Variants in AP3S1 observed in about 807,000 individuals in gnomAD.
AP3S1 encodes the protein AP-3 complex subunit sigma-1.
A neutral mutation model predicts 21.3 loss-of-function variants in AP3S1; 12 were observed. The ratio of observed to expected loss-of-function variants is 0.56; its 90% CI spans 0.36 to 0.91. The LOEUF is 0.91. Ranked by LOEUF, AP3S1 falls within the 40% of genes least tolerant of loss-of-function variation. The probability of loss-of-function intolerance (pLI) is 0.01; values close to 1 mark genes in which losing one functional copy is unlikely to be tolerated. For synonymous variants in AP3S1, 48 were observed against 78.4 expected (o/e 0.61, Z 2.05); for missense variants, 116 against 225.0 (o/e 0.52, Z 3.10).
At position 115,845,327 on chromosome 5, in the gene AP3S1, T is replaced by A. The variant is rs1403439513; in HGVS notation, c.69+3221T>A. Among the ~76,000 whole-genome samples, 6 of 152,324 alleles carry A rather than the reference T, an allele frequency of 3.9e-5. No homozygotes were observed. In the South Asian group the frequency reaches 1.0e-3, roughly 26 times the overall value. On this transcript the variant is annotated intron_variant, in intron 1 of 5. Transcript: ENST00000316788. ...CCATTTGCCAACAAGTTTATCCTAC[T>A]GCACTTCATTTTCATTCCTCATTTA...
chr5:115,895,267 C>G, intron 4 of AP3S1, 109 bp downstream of exon 4: 1 of 730,444 alleles, frequency 1.4e-6, no homozygotes, highest in Non-Finnish European at 2.1e-6. Flanking sequence ...TTTTATTATT[C>G]AATTCATAAT....
At chr5:115,900,987 C>G (rs1250737810) in intron 4 of AP3S1, among the ~76,000 whole-genome samples, 2 of 152,092 alleles carry the variant, frequency 1.3e-5, no homozygotes, top group Non-Finnish European at 2.9e-5. Context: ...AAATATGTGT[C>G]TAATAATTAA....
chr5:115,908,299 A>G (rs1751823522), intron 5 of AP3S1, among the ~76,000 whole-genome samples: 1 of 152,154 alleles, frequency 6.6e-6, no homozygotes, highest in South Asian at 2.1e-4. Context: ...TCCAGCAAAG[A>G]ACCATTAATC....
intron 3 of AP3S1, among the ~76,000 whole-genome samples, chr5:115,883,579 G>A (rs1749499982): frequency 6.6e-6 from 1 of 152,196 alleles, no homozygotes; most frequent in Non-Finnish European, 1.5e-5. Context: ...TACCTCGGTT[G>A]GAAATGCAGA....
chr5:115,881,455 T>C (rs1047643865), intron 3 of AP3S1, among the ~76,000 whole-genome samples: 4 of 152,218 alleles, frequency 2.6e-5, no homozygotes, highest in Non-Finnish European at 5.9e-5. Context: ...CCTTCACTTA[T>C]GAAGCTTAGC....
chr5:115,861,596 C>T (rs903265900), intron 1 of AP3S1, among the ~76,000 whole-genome samples: 3 of 152,018 alleles, frequency 2.0e-5, no homozygotes, highest in Admixed American at 1.3e-4. Flanking sequence ...GCTCTGTCAT[C>T]CAGACTGGAT....
At chr5:115,883,362 C>T (rs764233927) in intron 3 of AP3S1, among the ~76,000 whole-genome samples, 38 of 152,290 alleles carry the variant, frequency 2.5e-4, no homozygotes, top group East Asian at 7.7e-4. Flanking sequence ...TCCTGGTCTG[C>T]GGGTTGCAAA....
intron 5 of AP3S1, among the ~76,000 whole-genome samples, chr5:115,908,414 G>C (rs922174355): frequency 6.6e-6 from 1 of 152,030 alleles, no homozygotes; most frequent in Non-Finnish European, 1.5e-5. Context: ...TGGCTCTAAG[G>C]TACTGATGGT....
At chr5:115,863,617 T>C (rs956715152) in intron 1 of AP3S1, among the ~76,000 whole-genome samples, 1 of 152,106 alleles carries the variant, frequency 6.6e-6, no homozygotes, top group African/African-American at 2.4e-5. Flanking sequence ...TAGCTATAGC[T>C]ATGCCAGTGT....
At chr5:115,877,865 G>C (rs1256987377) in intron 3 of AP3S1, among the ~76,000 whole-genome samples, 2 of 152,126 alleles carry the variant, frequency 1.3e-5, no homozygotes, top group Admixed American at 1.3e-4. Flanking sequence ...AGCATCTGTT[G>C]TTTCCTGACT....
At chr5:115,875,807 C>T (rs1218452007) in intron 3 of AP3S1, among the ~76,000 whole-genome samples, 1 of 152,078 alleles carries the variant, frequency 6.6e-6, no homozygotes. Context: ...TTTGGGCAAC[C>T]CCCAGTTTTT....
chr5:115,859,131 T>C (rs1235504195), intron 1 of AP3S1, among the ~76,000 whole-genome samples: 2 of 152,146 alleles, frequency 1.3e-5, no homozygotes, highest in Non-Finnish European at 2.9e-5. Flanking sequence ...TTGGAAGCTC[T>C]CAATCCATGA....
intron 1 of AP3S1, among the ~76,000 whole-genome samples, chr5:115,853,517 C>T (rs1762592114): frequency 6.6e-6 from 1 of 151,950 alleles, no homozygotes; most frequent in South Asian, 2.1e-4. Flanking sequence ...CTTTTGGTAT[C>T]CTATCTAAAA....
intron 4 of AP3S1, among the ~76,000 whole-genome samples, chr5:115,899,270 A>G (rs1302357504): frequency 1.3e-5 from 2 of 152,152 alleles, no homozygotes; most frequent in African/African-American, 4.8e-5. Context: ...TACTTTCACC[A>G]AATAAAGGAG....
intron 1 of AP3S1, among the ~76,000 whole-genome samples, chr5:115,861,460 G>A (rs1380284672): frequency 1.3e-5 from 2 of 152,034 alleles, no homozygotes; most frequent in Admixed American, 6.6e-5. Context: ...GAAGTAACAC[G>A]GCTTGCACAT....
intron 5 of AP3S1, among the ~76,000 whole-genome samples, chr5:115,905,226 A>G (rs923716234): frequency 1.3e-5 from 2 of 152,228 alleles, no homozygotes; most frequent in Non-Finnish European, 2.9e-5. Flanking sequence ...TTGATTGTTG[A>G]ATAAAACTTC....
At chr5:115,868,334 A>G (rs752251647) in intron 2 of AP3S1, among the ~76,000 whole-genome samples, 11 of 152,098 alleles carry the variant, frequency 7.2e-5, no homozygotes, top group Admixed American at 1.3e-4. Context: ...AAAGCCTCCT[A>G]TTTGTGTTCT....
intron 3 of AP3S1, among the ~76,000 whole-genome samples, chr5:115,893,288 T>A (rs1196450461): frequency 6.6e-6 from 1 of 152,196 alleles, no homozygotes. Flanking sequence ...TAGATTGAAA[T>A]CTGCAGCTGT....
intron 1 of AP3S1, among the ~76,000 whole-genome samples, chr5:115,855,349 AT>A (rs1331392499): frequency 6.6e-6 from 1 of 151,406 alleles, no homozygotes; most frequent in Non-Finnish European, 1.5e-5. Flanking sequence ...CTATTTTAAT[AT>A]TTTTATTCAA....
Sources: gnomAD v4.1 joint callset for allele counts (sites outside exome capture counted in the v4.1 genomes callset) on GRCh38, gnomAD v4.1.1 for gene constraint, MANE v1.5 for transcripts, NCBI Gene and HGNC (gene_info 2026-07-23, HGNC 2026-07-21) for gene names.